The following VWA3B variants were observed in gnomAD, a reference collection of about 807,000 sequenced individuals.
VWA3B encodes von Willebrand factor A domain containing 3B.
VWA3B carries 138 observed loss-of-function variants against 158.3 expected under a neutral mutation model. The observed-to-expected ratio is 0.87, with a 90% CI of 0.76 to 1.00. VWA3B has a LOEUF of 1.00. Ranked by LOEUF, VWA3B falls within the 50% of genes least tolerant of loss-of-function variation. VWA3B has a pLI of 0.00. For synonymous variants in VWA3B, 596 were observed against 587.3 expected, an observed-to-expected ratio of 1.01 and a Z score of -0.21; for missense variants, 1,555 against 1,565.1, an observed-to-expected ratio of 0.99 and a Z score of 0.11.
At position 98,194,442 on chromosome 2, in the gene VWA3B, G is replaced by A. The variant is rs750372324; in HGVS notation, c.1687G>A (p.Val563Ile). 8.1e-6 allele frequency: 13 copies of A among 1,613,994 alleles called. No homozygotes were observed. In the East Asian group the frequency reaches 1.6e-4, roughly 19 times the overall value. ...TGCTTGGCGGGAACAACTTGCTGAA[G>A]TCAATGAAGATAATTTGGAACAGGC... ...AVAWREQLAE[V>I]NEDNLEQAQS... Residue 563 changes from valine (V) to isoleucine (I), a missense_variant, in exon 12 of 28, where the codon GTC becomes ATC. By Grantham distance (29) the Val-to-Ile change is conservative (BLOSUM62 3). Coordinates refer to ENST00000477737, the MANE Select transcript of VWA3B (RefSeq NM_144992.5).
chr2:98,166,799 T>TACACACACACACACACACAC (rs58860649), intron 8 of VWA3B, among the ~76,000 whole-genome samples: 4,580 of 145,860 alleles, frequency 0.031, 120 homozygotes, highest in African/African-American at 0.056. Context: ...TTTAATCTAA[T>TACACACACACACACACACAC]ACACACACAC....
chr2:98,171,643 T>C (rs1458024911), intron 8 of VWA3B, among the ~76,000 whole-genome samples: 1 of 151,766 alleles, frequency 6.6e-6, no homozygotes, highest in East Asian at 1.9e-4. Flanking sequence ...TGCTAGAGGA[T>C]TGTAAGCAGG....
At chr2:98,133,498 G>A (rs747585024) in intron 6 of VWA3B, among the ~76,000 whole-genome samples, 1 of 152,218 alleles carries the variant, frequency 6.6e-6, no homozygotes, top group South Asian at 2.1e-4. Context: ...TTGACATGAC[G>A]GAACCCTGGG....
chr2:98,094,091 G>A (rs753810526), intron 2 of VWA3B, among the ~76,000 whole-genome samples: 11 of 152,106 alleles, frequency 7.2e-5, no homozygotes, highest in Non-Finnish European at 1.5e-4. Context: ...GAATAGTGCT[G>A]CACCAAACAA....
chr2:98,265,225 G>A (rs1220870242), intron 21 of VWA3B, among the ~76,000 whole-genome samples: 8 of 146,332 alleles, frequency 5.5e-5, no homozygotes, highest in Non-Finnish European at 1.0e-4. Flanking sequence ...CCCAGAGTGC[G>A]ATGTTCCCCT....
intron 24 of VWA3B, among the ~76,000 whole-genome samples, chr2:98,299,459 G>A (rs1047399039): frequency 1.3e-5 from 2 of 152,220 alleles, no homozygotes; most frequent in Non-Finnish European, 2.9e-5. Flanking sequence ...TGCCCAGTGT[G>A]AGCCGGGAGG....
At chr2:98,158,284 A>G (rs1678265460) in intron 7 of VWA3B, among the ~76,000 whole-genome samples, 1 of 152,142 alleles carries the variant, frequency 6.6e-6, no homozygotes, top group Non-Finnish European at 1.5e-5. Flanking sequence ...TGCTTAAGAC[A>G]TTTACCATCC....
At chr2:98,093,833 C>T (rs926759943) in intron 2 of VWA3B, among the ~76,000 whole-genome samples, 1 of 152,182 alleles carries the variant, frequency 6.6e-6, no homozygotes, top group East Asian at 1.9e-4. Flanking sequence ...AAGCATCACT[C>T]TACTCGCTAC....
At chr2:98,278,351 C>T (rs1199682476) in intron 22 of VWA3B, among the ~76,000 whole-genome samples, 1 of 152,192 alleles carries the variant, frequency 6.6e-6, no homozygotes, top group Non-Finnish European at 1.5e-5. Context: ...ACCCCTGGAG[C>T]CCCAGAGGGC....
rs546550843 is a variant in VWA3B at position 98,139,320 on chromosome 2, C to A, written c.988+5381C>A. On this transcript the variant is annotated intron_variant, in intron 7 of 27. Transcript: ENST00000477737. ...GGGCTCCTGTGCAGCCCAAGCCTCC[C>A]CGACGAGCGCCACCCCCTGCTCCAC... 2.6e-5 allele frequency among the ~76,000 whole-genome samples: 4 copies of A among 152,352 alleles called. No homozygotes were observed. In the East Asian group the frequency reaches 7.7e-4, roughly 29 times the overall value.
At chr2:98,147,384 C>T (rs1056139756) in intron 7 of VWA3B, among the ~76,000 whole-genome samples, 2 of 152,074 alleles carry the variant, frequency 1.3e-5, no homozygotes, top group African/African-American at 4.8e-5. Flanking sequence ...AACATTCTTG[C>T]CATCCAGATA....
At chr2:98,141,669 A>C (rs1308661621) in intron 7 of VWA3B, among the ~76,000 whole-genome samples, 1 of 152,202 alleles carries the variant, frequency 6.6e-6, no homozygotes, top group Non-Finnish European at 1.5e-5. Context: ...GGAGTCAGGG[A>C]AACTCATCTT....
chr2:98,247,066 C>T (rs370272099), intron 19 of VWA3B, among the ~76,000 whole-genome samples: 4 of 151,664 alleles, frequency 2.6e-5, no homozygotes, highest in East Asian at 1.9e-4. Context: ...GGTGTGATCT[C>T]GGCTCACTGA....
intron 22 of VWA3B, among the ~76,000 whole-genome samples, chr2:98,290,251 G>C (rs1228033284): frequency 6.6e-6 from 1 of 152,082 alleles, no homozygotes; most frequent in African/African-American, 2.4e-5. Context: ...AGTGAAAGGG[G>C]AGGTGCCACA....
At chr2:98,102,487 G>A (rs527844537) in intron 2 of VWA3B, among the ~76,000 whole-genome samples, 11 of 152,262 alleles carry the variant, frequency 7.2e-5, no homozygotes, top group African/African-American at 9.6e-5. Context: ...CAGACCAGGC[G>A]GCCGGGCAGA....
intron 23 of VWA3B, among the ~76,000 whole-genome samples, chr2:98,295,155 G>A (rs558802272): frequency 3.9e-5 from 6 of 152,118 alleles, no homozygotes; most frequent in African/African-American, 1.4e-4. Context: ...AGGGAGAAGC[G>A]GACACGAGGA....
At chr2:98,284,333 G>A (rs1689047086) in intron 22 of VWA3B, among the ~76,000 whole-genome samples, 1 of 152,132 alleles carries the variant, frequency 6.6e-6, no homozygotes, top group Non-Finnish European at 1.5e-5. Context: ...AACCTAAAAA[G>A]CATCTCCAAA....
At chr2:98,097,986 A>T (rs1245474230) in intron 2 of VWA3B, among the ~76,000 whole-genome samples, 1 of 152,076 alleles carries the variant, frequency 6.6e-6, no homozygotes, top group Non-Finnish European at 1.5e-5. Context: ...CCCATTGGTT[A>T]TTCAGGTGCA....
intron 8 of VWA3B, among the ~76,000 whole-genome samples, chr2:98,168,830 A>T (rs555794772): frequency 6.6e-6 from 1 of 152,300 alleles, no homozygotes; most frequent in South Asian, 2.1e-4. Context: ...CCGAAAGAAG[A>T]TCTGTGAACT....
Sources: allele counts gnomAD v4.1 joint callset (sites outside exome capture counted in the v4.1 genomes callset), GRCh38; gene constraint gnomAD v4.1.1; transcripts MANE v1.5; gene names NCBI Gene and HGNC (gene_info 2026-07-23, HGNC 2026-07-21).